The following OLFM3 variants were observed in gnomAD, a reference collection of about 807,000 sequenced individuals.
OLFM3 encodes olfactomedin 3.
In OLFM3, 20 loss-of-function variants were observed where a neutral mutation model predicts 48.6. That is an observed-to-expected ratio of 0.41 (90% CI 0.29 to 0.60). The LOEUF (loss-of-function observed/expected upper bound fraction) is 0.60, where lower values mean the gene tolerates loss of function less well. Ranked by LOEUF, OLFM3 falls within the 20% of genes least tolerant of loss-of-function variation. The probability of loss-of-function intolerance (pLI) is 0.28; values close to 1 mark genes in which losing one functional copy is unlikely to be tolerated. For synonymous variants in OLFM3, 222 were observed against 198.1 expected (o/e 1.12, Z -1.01); for missense variants, 437 against 544.3 (o/e 0.80, Z 1.96).
chr1:101,855,965 T>C (rs1048499235), intron 1 of OLFM3, among the ~76,000 whole-genome samples: 13 of 151,162 alleles, frequency 8.6e-5, no homozygotes, highest in African/African-American at 3.2e-4. Context: ...TCATGGCATA[T>C]AAAATGTATG....
intron 1 of OLFM3, among the ~76,000 whole-genome samples, chr1:101,883,479 G>A (rs1349230214): frequency 2.0e-5 from 3 of 151,696 alleles, no homozygotes; most frequent in Non-Finnish European, 4.4e-5. Flanking sequence ...TCCCCAAGTG[G>A]TAGGAGGAGT....
At chr1:101,861,404 G>T (rs190982264) in intron 1 of OLFM3, among the ~76,000 whole-genome samples, 2 of 152,334 alleles carry the variant, frequency 1.3e-5, no homozygotes, top group East Asian at 3.9e-4. Context: ...ATGTTCAGAA[G>T]ATAACTGCAT....
chr1:101,888,649 C>T lies in OLFM3; in HGVS notation c.70-51624G>A, dbSNP rs529993192. ...GGCAACAAAAGCCAAAATTGACAAA[C>T]GGGATCTAATTAAACTAAAGAGCTT... On this transcript the variant is annotated intron_variant, in intron 1 of 5. Transcript: ENST00000370103. Among the ~76,000 whole-genome samples, 654 of 151,958 alleles carry T rather than the reference C, an allele frequency of 4.3e-3. 7 individuals are homozygous for T. The highest frequency in any genetic ancestry group is 0.014 in the African/African-American group (576 of 41,476).
intron 4 of OLFM3, among the ~76,000 whole-genome samples, chr1:101,819,423 A>G (rs559944632): frequency 7.9e-5 from 12 of 152,204 alleles, no homozygotes; most frequent in African/African-American, 2.6e-4. Context: ...GAAAGATCAC[A>G]CTAAATATTT....
intron 1 of OLFM3, among the ~76,000 whole-genome samples, chr1:101,904,337 G>A (rs1658487360): frequency 6.6e-6 from 1 of 152,042 alleles, no homozygotes; most frequent in Non-Finnish European, 1.5e-5. Context: ...AAAATATCTT[G>A]ACTTTATTTT....
intron 1 of OLFM3, among the ~76,000 whole-genome samples, chr1:101,938,577 T>A (rs1209822250): frequency 1.3e-5 from 2 of 152,332 alleles, no homozygotes; most frequent in South Asian, 2.1e-4. Context: ...AAATGTCTCT[T>A]AAAGTTATGC....
chr1:101,880,358 AAG>A lies in OLFM3; in HGVS notation c.70-43335_70-43334del, dbSNP rs1657471577. 6.6e-5 allele frequency among the ~76,000 whole-genome samples: 10 copies of A among 151,964 alleles called. No individual in the cohort carries two copies. In the South Asian group the frequency reaches 1.9e-3, roughly 28 times the overall value. On this transcript the variant is annotated intron_variant, in intron 1 of 5. Coordinates refer to ENST00000370103, the MANE Select transcript of OLFM3 (RefSeq NM_058170.4). ...AAGCCAGTGTCTAGCTTACTAAAAA[AAG>A]AGTTATACATAATATTTAAGATGCT...
chr1:101,977,270 G>A (rs921930342), intron 1 of OLFM3, among the ~76,000 whole-genome samples: 2 of 152,034 alleles, frequency 1.3e-5, no homozygotes, highest in Non-Finnish European at 2.9e-5. Flanking sequence ...TTATTAAAAT[G>A]GTCATTTTAA....
chr1:101,968,288 C>T (rs1284850243), intron 1 of OLFM3, among the ~76,000 whole-genome samples: 3 of 152,116 alleles, frequency 2.0e-5, no homozygotes, highest in Non-Finnish European at 4.4e-5. Flanking sequence ...AATTGCTCTC[C>T]TCATCCAGAA....
At chr1:101,914,183 A>G (rs147726559) in intron 1 of OLFM3, among the ~76,000 whole-genome samples, 134 of 152,308 alleles carry the variant, frequency 8.8e-4, no homozygotes, top group Admixed American at 2.6e-3. Flanking sequence ...AACAGTTCTT[A>G]GTCATCCTGC....
intron 1 of OLFM3, among the ~76,000 whole-genome samples, chr1:101,985,248 T>G (rs1458962827): frequency 6.6e-6 from 1 of 152,240 alleles, no homozygotes; most frequent in East Asian, 1.9e-4. Context: ...AGGATCATAT[T>G]CTTATCTCAA....
chr1:101,849,563 C>T (rs1383367232), intron 1 of OLFM3, among the ~76,000 whole-genome samples: 5 of 152,162 alleles, frequency 3.3e-5, no homozygotes, highest in Non-Finnish European at 7.3e-5. Flanking sequence ...TGAATCATTG[C>T]TTAGTCATTT....
intron 2 of OLFM3, 56 bp downstream of exon 2, chr1:101,836,823 T>G (rs1473629237): frequency 6.5e-7 from 1 of 1,548,888 alleles, no homozygotes; most frequent in African/African-American, 1.4e-5. Context: ...CATATTTCCT[T>G]TTGAAAGAAT....
intron 1 of OLFM3, among the ~76,000 whole-genome samples, chr1:101,919,136 C>A (rs2101036242): frequency 6.6e-6 from 1 of 152,162 alleles, no homozygotes; most frequent in Middle Eastern, 3.4e-3. Flanking sequence ...TAATTTGGTT[C>A]TACAGAAATT....
At chr1:101,991,824 G>A (rs1003939790) in intron 1 of OLFM3, among the ~76,000 whole-genome samples, 3 of 151,158 alleles carry the variant, frequency 2.0e-5, no homozygotes, top group Admixed American at 1.3e-4. Flanking sequence ...GAAGCAGAGT[G>A]GTGAGGTGGA....
At chr1:101,839,067 G>A (rs946268811) in intron 1 of OLFM3, among the ~76,000 whole-genome samples, 9 of 152,172 alleles carry the variant, frequency 5.9e-5, no homozygotes, top group Admixed American at 4.6e-4. Context: ...AGAAACTCAT[G>A]ATGATACCAA....
At chr1:101,949,036 A>G (rs1173838493) in intron 1 of OLFM3, among the ~76,000 whole-genome samples, 1 of 151,754 alleles carries the variant, frequency 6.6e-6, no homozygotes, top group Admixed American at 6.6e-5. Flanking sequence ...ATATAAAAAA[A>G]GTTCTTCCTA....
intron 1 of OLFM3, among the ~76,000 whole-genome samples, chr1:101,951,841 A>G (rs1295886448): frequency 6.6e-6 from 1 of 152,188 alleles, no homozygotes; most frequent in African/African-American, 2.4e-5. Context: ...TGTTTCAAAT[A>G]ATGAAAGGAT....
chr1:101,927,580 C>T lies in OLFM3; in HGVS notation c.69+69168G>A, dbSNP rs934126738. ...CTTTTCTAAAGCCTAAGGTCTTGTT[C>T]CCAAACCTCCTTACTTTAAAGCCAA... On this transcript the variant is annotated intron_variant, in intron 1 of 5. Coordinates refer to ENST00000370103, the MANE Select transcript of OLFM3 (RefSeq NM_058170.4). 5.9e-5 allele frequency among the ~76,000 whole-genome samples: 9 copies of T among 151,808 alleles called. No individual in the cohort carries two copies. The South Asian group carries it at 1.5e-3, about 24-fold the overall frequency.
Sources: allele counts gnomAD v4.1 joint callset (sites outside exome capture counted in the v4.1 genomes callset), GRCh38; gene constraint gnomAD v4.1.1; transcripts MANE v1.5; gene names NCBI Gene and HGNC (gene_info 2026-07-23, HGNC 2026-07-21).